Variants in MBOAT1 observed in about 807,000 individuals in gnomAD.
MBOAT1 encodes the protein membrane-bound glycerophospholipid O-acyltransferase 1.
A neutral mutation model predicts 64.4 loss-of-function variants in MBOAT1; 67 were observed. The observed-to-expected ratio is 1.04, with a 90% confidence interval of 0.85 to 1.27. The LOEUF (loss-of-function observed/expected upper bound fraction) is 1.27, where lower values mean the gene tolerates loss of function less well. Ranked by LOEUF, MBOAT1 falls within the 50% of genes most tolerant of loss-of-function variation. The probability of loss-of-function intolerance (pLI) is 0.00; values close to 1 mark genes in which losing one functional copy is unlikely to be tolerated. For synonymous variants in MBOAT1, 229 were observed against 218.9 expected, an observed-to-expected ratio of 1.05 and a Z score of -0.41; for missense variants, 563 against 604.6, an observed-to-expected ratio of 0.93 and a Z score of 0.72.
At chr6:20,138,383 C>T (rs1167633404) in intron 4 of MBOAT1, among the ~76,000 whole-genome samples, 3 of 151,924 alleles carry the variant, frequency 2.0e-5, no homozygotes, top group South Asian at 4.2e-4. Context: ...TTTCTTACTA[C>T]GAGGAGATCC....
intron 1 of MBOAT1, among the ~76,000 whole-genome samples, chr6:20,162,749 G>C (rs1761899536): frequency 6.6e-6 from 1 of 152,160 alleles, no homozygotes; most frequent in Non-Finnish European, 1.5e-5. Context: ...GCCTGCAGTG[G>C]CCTCTCAAGA....
rs189022404 is a variant in MBOAT1 at position 20,101,842 on chromosome 6, G to A, written c.*444C>T. Among the ~76,000 whole-genome samples, 21 of 152,176 alleles carry A rather than the reference G, an allele frequency of 1.4e-4. No individual in the cohort carries two copies. Among genetic ancestry groups the A allele is most frequent in the African/African-American group, 4.1e-4 (17 of 41,532 alleles). ...TTTATAAAAATACTCCCGGCCGGGCGCGGTGGCTCACGCCTGTAATCCCAG... is the reference window on the plus strand; with the variant it reads ...TTTATAAAAATACTCCCGGCCGGGCACGGTGGCTCACGCCTGTAATCCCAG... On this transcript the variant is annotated 3_prime_UTR_variant, in exon 13 of 13. Coordinates refer to ENST00000324607, the MANE Select transcript of MBOAT1 (RefSeq NM_001080480.3).
rs983166552 is a variant in MBOAT1, at chr6:20,164,196, CACACACACAA to C, written c.100-11437_100-11428del. Reference sequence around the variant, plus strand: ...ATGTACACACACACACACACACACACACACACACAAACACACCCCATATATATGTAACCTG... The same window carrying C: ...ATGTACACACACACACACACACACACACACACCCCATATATATGTAACCTG... On this transcript the variant is annotated intron_variant, in intron 1 of 12. Transcript: ENST00000324607. Among the ~76,000 whole-genome samples, 9 of 151,304 alleles carry C rather than the reference CACACACACAA, an allele frequency of 5.9e-5. No individual in the cohort carries two copies. In the South Asian group the frequency reaches 1.3e-3, roughly 21 times the overall value.
intron 11 of MBOAT1, 73 bp downstream of exon 11, chr6:20,112,802 AG>A (rs1760205294): frequency 1.3e-6 from 2 of 1,527,434 alleles, no homozygotes; most frequent in East Asian, 4.5e-5. Flanking sequence ...AACCCCTACT[AG>A]GACCCAACAG....
rs746854350 is a variant in MBOAT1 at position 20,152,733 on chromosome 6, C to G, written c.136G>C (p.Ala46Pro). The G allele has an allele frequency of 6.2e-7, 1 of 1,612,364 alleles. No individual in the cohort carries two copies. Among genetic ancestry groups the G allele is most frequent in the Non-Finnish European group, 8.5e-7 (1 of 1,178,820 alleles). The change falls in exon 2 of 13, where the codon GCT becomes CCT. Residue 46 changes from alanine to proline, a missense_variant. By Grantham distance (27) the Ala-to-Pro change is conservative (BLOSUM62 -1). Transcript: ENST00000324607. ...FVVCQLVALF[A>P]AFWFRIYLRP... ...AAGTAGATGCGAAACCAGAAAGCAGCAAACAGAGCAACAAGCTGGCATACC... is the reference window on the plus strand; with the variant it reads ...AAGTAGATGCGAAACCAGAAAGCAGGAAACAGAGCAACAAGCTGGCATACC...
At chr6:20,155,385 A>C (rs1383687457) in intron 1 of MBOAT1, among the ~76,000 whole-genome samples, 1 of 150,498 alleles carries the variant, frequency 6.6e-6, no homozygotes, top group Non-Finnish European at 1.5e-5. Context: ...CTTATCATCT[A>C]ACTGGGGAAA....
intron 1 of MBOAT1, among the ~76,000 whole-genome samples, chr6:20,190,485 C>T (rs889961846): frequency 5.3e-5 from 8 of 152,124 alleles, no homozygotes; most frequent in African/African-American, 9.7e-5. Flanking sequence ...AGTATTTTTA[C>T]GTTTTAAATT....
At chr6:20,102,673 G>A (rs1253625443) in intron 12 of MBOAT1, among the ~76,000 whole-genome samples, 1 of 152,072 alleles carries the variant, frequency 6.6e-6, no homozygotes, top group Non-Finnish European at 1.5e-5. Context: ...CCGTCCCATT[G>A]ACATAACAGG....
chr6:20,198,186 C>T (rs910395561), intron 1 of MBOAT1, among the ~76,000 whole-genome samples: 1 of 150,386 alleles, frequency 6.6e-6, no homozygotes, highest in African/African-American at 2.4e-5. Context: ...CAAGATCGTG[C>T]CACTGCACTC....
intron 7 of MBOAT1, among the ~76,000 whole-genome samples, chr6:20,125,626 G>A (rs1169085537): frequency 3.3e-5 from 5 of 152,212 alleles, no homozygotes; most frequent in Admixed American, 3.3e-4. Flanking sequence ...TAGAAATGCT[G>A]TCACTTTGGT....
chr6:20,207,631 C>G (rs1165346150), intron 1 of MBOAT1, among the ~76,000 whole-genome samples: 2 of 152,178 alleles, frequency 1.3e-5, no homozygotes, highest in Non-Finnish European at 2.9e-5. Flanking sequence ...ATTTAGATGT[C>G]AGGATCCATA....
intron 1 of MBOAT1, among the ~76,000 whole-genome samples, chr6:20,204,741 C>T (rs1262707035): frequency 6.6e-6 from 1 of 152,156 alleles, no homozygotes; most frequent in African/African-American, 2.4e-5. Context: ...GTAAAGAGTT[C>T]ACTGTGCTGA....
chr6:20,149,118 A>C (rs967565816), intron 3 of MBOAT1, among the ~76,000 whole-genome samples: 1 of 148,874 alleles, frequency 6.7e-6, no homozygotes, highest in Non-Finnish European at 1.5e-5. Flanking sequence ...AAAAAAAAAA[A>C]ACCAAACAAA....
At position 20,197,191 on chromosome 6, in the gene MBOAT1, A is replaced by G. The variant is rs546352902; in HGVS notation, c.99+14945T>C. ...GGTCTCAAACTCCTGAGCTCAAGGG[A>G]TCCTCCTGCCTCAGCCTCCCATGTA... is the stretch of plus-strand genomic sequence containing the variant. On this transcript the variant is annotated intron_variant, in intron 1 of 12. Transcript: ENST00000324607. 3.3e-5 allele frequency among the ~76,000 whole-genome samples: 5 copies of G among 152,000 alleles called. No homozygotes were observed. In the East Asian group the frequency reaches 7.7e-4, roughly 24 times the overall value.
intron 7 of MBOAT1, among the ~76,000 whole-genome samples, chr6:20,125,178 G>A (rs1020124598): frequency 3.3e-5 from 5 of 152,124 alleles, no homozygotes; most frequent in Admixed American, 6.5e-5. Context: ...AATTCCTCTG[G>A]ACAGAGTGAT....
In MBOAT1 at chr6:20,109,725, A is replaced by G. The variant is rs45596536; in HGVS notation, c.1234T>C (p.Phe412Leu). The change falls in exon 12 of 13, where the codon TTC (phenylalanine) becomes CTC (leucine). Residue 412 changes from phenylalanine to leucine, a missense_variant. Phe to Leu is a conservative substitution (Grantham distance 22). Coordinates refer to ENST00000324607, the MANE Select transcript of MBOAT1 (RefSeq NM_001080480.3). Reference sequence around the variant, plus strand: ...GCCTTGAGAGCTCTTGAAGAAAGGAAGTAATGTCTGTAGTTGTTCCTGACC... The same window carrying G: ...GCCTTGAGAGCTCTTGAAGAAAGGAGGTAATGTCTGTAGTTGTTCCTGACC... ...RAVRNNYRHY[F>L]LSSRALKAVY... 0.017 allele frequency: 28,136 copies of G among 1,614,070 alleles called. 320 individuals carry two copies. Among genetic ancestry groups the G allele is most frequent in the Non-Finnish European group, 0.021 (25,216 of 1,179,964 alleles).
At chr6:20,190,016 A>C (rs992659704) in intron 1 of MBOAT1, among the ~76,000 whole-genome samples, 3 of 151,010 alleles carry the variant, frequency 2.0e-5, no homozygotes, top group African/African-American at 7.3e-5. Context: ...ACCTTTTTCG[A>C]GAGAGTCTCA....
chr6:20,187,924 C>G (rs915512774), intron 1 of MBOAT1, among the ~76,000 whole-genome samples: 1 of 152,000 alleles, frequency 6.6e-6, no homozygotes, highest in Non-Finnish European at 1.5e-5. Context: ...CCCAGGAGGT[C>G]AAGGCTGCAG....
At chr6:20,102,448 T>C in intron 12 of MBOAT1, 36 bp from the exon 13 acceptor site, 1 of 1,555,306 alleles carries the variant, frequency 6.4e-7, no homozygotes, top group Non-Finnish European at 8.8e-7. Flanking sequence ...ATATTTCAAA[T>C]AAGGATGTAG....
Sources: gnomAD v4.1 joint callset for allele counts (sites outside exome capture counted in the v4.1 genomes callset) on GRCh38, gnomAD v4.1.1 for gene constraint, MANE v1.5 for transcripts, NCBI Gene and HGNC (gene_info 2026-07-23, HGNC 2026-07-21) for gene names.